DDX10: variants seen among roughly 807,000 people sequenced by gnomAD.
The protein encoded by DDX10 is DEAD-box helicase 10.
Under a neutral mutation model 104.3 loss-of-function variants are expected in DDX10, and 74 were observed. The observed-to-expected ratio is 0.71, with a 90% CI of 0.59 to 0.86. The LOEUF is 0.86. Ranked by LOEUF, DDX10 falls within the 40% of genes least tolerant of loss-of-function variation. DDX10 has a pLI of 0.00. For missense variants in DDX10, 952 were observed against 1,040.0 expected (o/e 0.92, Z 1.16); for synonymous variants, 351 against 353.4 (o/e 0.99, Z 0.08).
chr11:108,673,916 G>T (rs1372990622), intron 2 of DDX10, among the ~76,000 whole-genome samples: 1 of 152,204 alleles, frequency 6.6e-6, no homozygotes, highest in Non-Finnish European at 1.5e-5. Flanking sequence ...GGATCAAGAT[G>T]TTGGTGGCAT....
intron 13 of DDX10, among the ~76,000 whole-genome samples, chr11:108,815,157 A>G (rs1019025353): frequency 2.6e-5 from 4 of 152,198 alleles, no homozygotes; most frequent in African/African-American, 9.7e-5. Flanking sequence ...TTCCTGTTAT[A>G]TACTTTGATG....
At chr11:108,915,447 GT>G (rs34587206) in intron 16 of DDX10, among the ~76,000 whole-genome samples, 67,264 of 141,218 alleles carry the variant, frequency 0.48, 16,315 homozygotes, top group African/African-American at 0.74. Flanking sequence ...TTTTTTTTTG[GT>G]TTTTTTTTTT....
chr11:108,898,421 A>T (rs983249401), intron 16 of DDX10, among the ~76,000 whole-genome samples: 2 of 152,076 alleles, frequency 1.3e-5, no homozygotes, highest in African/African-American at 4.8e-5. Flanking sequence ...TGTCCCCTAG[A>T]GGGTGGAAAC....
intron 17 of DDX10, among the ~76,000 whole-genome samples, chr11:108,930,900 T>G (rs975160597): frequency 6.6e-6 from 1 of 152,156 alleles, no homozygotes; most frequent in Non-Finnish European, 1.5e-5. Context: ...AAAGTGAAGG[T>G]TCTTACCTGA....
chr11:108,937,240 G>C (rs761791929), intron 17 of DDX10, among the ~76,000 whole-genome samples: 3 of 152,190 alleles, frequency 2.0e-5, no homozygotes, highest in Non-Finnish European at 4.4e-5. Context: ...AGGCTGACCT[G>C]AACGTTCTAA....
At position 108,838,495 on chromosome 11, in the gene DDX10, C is replaced by A. The variant is rs374367614; in HGVS notation, c.2015C>A (p.Ala672Glu). 1.9e-6 allele frequency: 3 copies of A among 1,611,838 alleles called. No homozygotes were observed. The African/African-American group carries it at 4.0e-5, about 22-fold the overall frequency. Residue 672 changes from alanine (A) to glutamate (E), a missense_variant, in exon 14 of 18, where the codon GCA becomes GAA. Physicochemically the swap from Ala to Glu is moderately radical, Grantham distance 107. Around this residue, in one of 3 missense-constraint regions of DDX10, gnomAD observed 533 missense variants for 534.1 expected, o/e 1.00. Coordinates refer to ENST00000322536, the MANE Select transcript of DDX10 (RefSeq NM_004398.4). ...SSIKKKMTKV[A>E]EAKKVMKRNF... ...ATCAAGAAAAAAATGACCAAAGTTGCAGAAGCAAAAAAAGTAATGAAGAGA... is the reference window on the plus strand; with the variant it reads ...ATCAAGAAAAAAATGACCAAAGTTGAAGAAGCAAAAAAAGTAATGAAGAGA...
chr11:108,750,000 A>G (rs1383327566), intron 13 of DDX10, among the ~76,000 whole-genome samples: 1 of 152,196 alleles, frequency 6.6e-6, no homozygotes, highest in Non-Finnish European at 1.5e-5. Context: ...AGAATCAAGT[A>G]TGATCAAAGC....
chr11:108,900,662 A>G (rs926406691), intron 16 of DDX10, among the ~76,000 whole-genome samples: 12 of 152,184 alleles, frequency 7.9e-5, no homozygotes, highest in Non-Finnish European at 1.8e-4. Context: ...TGGACCCAAG[A>G]TTTAGCAGAA....
intron 16 of DDX10, among the ~76,000 whole-genome samples, chr11:108,857,515 T>C (rs760345191): frequency 6.6e-6 from 1 of 152,216 alleles, no homozygotes; most frequent in Non-Finnish European, 1.5e-5. Context: ...GTTGCACTTC[T>C]CTCTCTCTTT....
intron 13 of DDX10, among the ~76,000 whole-genome samples, chr11:108,766,285 C>T (rs1443087306): frequency 3.3e-5 from 5 of 152,152 alleles, no homozygotes; most frequent in Non-Finnish European, 5.9e-5. Flanking sequence ...TCCGCTGTTA[C>T]GTATTCCCAG....
intron 16 of DDX10, among the ~76,000 whole-genome samples, chr11:108,899,650 T>A (rs1037603297): frequency 2.6e-5 from 4 of 152,182 alleles, no homozygotes; most frequent in African/African-American, 9.7e-5. Flanking sequence ...CTTTACCTGG[T>A]GATACAGTTT....
At chr11:108,771,446 G>T (rs1388696927) in intron 13 of DDX10, among the ~76,000 whole-genome samples, 4 of 151,810 alleles carry the variant, frequency 2.6e-5, no homozygotes, top group African/African-American at 9.7e-5. Flanking sequence ...GGAAAGCCAC[G>T]CCATTCTCCT....
intron 16 of DDX10, among the ~76,000 whole-genome samples, chr11:108,889,453 A>C (rs990658249): frequency 2.6e-5 from 4 of 152,168 alleles, no homozygotes; most frequent in African/African-American, 9.6e-5. Flanking sequence ...TAAAACCTTT[A>C]AAACTAATTG....
chr11:108,747,436 G>A (rs1277461168), intron 13 of DDX10, among the ~76,000 whole-genome samples: 2 of 152,106 alleles, frequency 1.3e-5, no homozygotes, highest in Admixed American at 1.3e-4. Flanking sequence ...GGATGGAAGA[G>A]TTTTGACATG....
At chr11:108,696,546 C>G (rs1048733627) in intron 9 of DDX10, among the ~76,000 whole-genome samples, 2 of 152,026 alleles carry the variant, frequency 1.3e-5, no homozygotes, top group African/African-American at 4.8e-5. Flanking sequence ...GTGGAATGAC[C>G]TTCTCCACTG....
At chr11:108,811,295 T>G (rs931780240) in intron 13 of DDX10, among the ~76,000 whole-genome samples, 9 of 152,158 alleles carry the variant, frequency 5.9e-5, no homozygotes. Context: ...AAGGGCTAAA[T>G]TATATGGTAG....
intron 13 of DDX10, among the ~76,000 whole-genome samples, chr11:108,731,757 C>G (rs1400363904): frequency 6.6e-6 from 1 of 152,158 alleles, no homozygotes; most frequent in Non-Finnish European, 1.5e-5. Flanking sequence ...TTGTATGCAT[C>G]CATCAGTCAC....
intron 13 of DDX10, among the ~76,000 whole-genome samples, chr11:108,748,053 C>G (rs946162218): frequency 5.3e-5 from 8 of 152,086 alleles, no homozygotes; most frequent in Admixed American, 5.2e-4. Flanking sequence ...AGTATAAAAT[C>G]TAAGTACTCT....
chr11:108,693,026 C>T (rs1591793466), intron 8 of DDX10, among the ~76,000 whole-genome samples: 1 of 152,154 alleles, frequency 6.6e-6, no homozygotes, highest in Non-Finnish European at 1.5e-5. Context: ...AGGTATTTCT[C>T]CTAATGCTAT....
Sources: allele counts gnomAD v4.1 joint callset (sites outside exome capture counted in the v4.1 genomes callset), GRCh38; gene constraint gnomAD v4.1.1; regional missense constraint gnomAD v4.1.1; transcripts MANE v1.5; gene names NCBI Gene and HGNC (gene_info 2026-07-23, HGNC 2026-07-21).